The following HCN1 variants were observed in gnomAD, a reference collection of about 807,000 sequenced individuals.
HCN1 encodes the protein hyperpolarization activated cyclic nucleotide gated potassium channel 1.
Under a neutral mutation model 78.9 loss-of-function variants are expected in HCN1, and 13 were observed. The ratio of observed to expected loss-of-function variants is 0.16; its 90% CI spans 0.11 to 0.26. The LOEUF (loss-of-function observed/expected upper bound fraction) is 0.26. HCN1 is among the 10% of genes least tolerant of loss of function. The pLI is 1.00. For synonymous variants in HCN1, 552 were observed against 455.5 expected, an observed-to-expected ratio of 1.21 and a Z score of -2.70; for missense variants, 810 against 1,154.3, an observed-to-expected ratio of 0.70 and a Z score of 4.32.
Position 45,525,423 on chromosome 5 carries a change from C to T in HCN1, c.850-63416G>A, listed in dbSNP as rs980373760. On this transcript the variant is annotated intron_variant, in intron 2 of 7. Transcript: ENST00000303230. ...AAAACTGGGTAACATTTTATTTTGC[C>T]TTTAATTTAGACATGGTTTAATATC... Among the ~76,000 whole-genome samples, 3 of 151,102 alleles carry T rather than the reference C, an allele frequency of 2.0e-5. No homozygotes were observed. The East Asian group carries it at 5.8e-4, about 29-fold the overall frequency.
intron 5 of HCN1, among the ~76,000 whole-genome samples, chr5:45,352,551 G>A (rs1746930662): frequency 6.6e-6 from 1 of 151,714 alleles, no homozygotes; most frequent in Non-Finnish European, 1.5e-5. Flanking sequence ...AAAGAAATAT[G>A]AATAACCAAG....
intron 2 of HCN1, among the ~76,000 whole-genome samples, chr5:45,595,896 T>G (rs1744483805): frequency 6.7e-6 from 1 of 149,122 alleles, no homozygotes; most frequent in Non-Finnish European, 1.5e-5. Context: ...GACCTATGAT[T>G]TTTTTTTTTA....
chr5:45,611,835 TG>T (rs1322427119), intron 2 of HCN1, among the ~76,000 whole-genome samples: 7 of 152,072 alleles, frequency 4.6e-5, no homozygotes, highest in African/African-American at 1.7e-4. Context: ...AAAATTATCA[TG>T]GAAAAAGTAA....
chr5:45,523,920 C>T (rs1742671468), intron 2 of HCN1, among the ~76,000 whole-genome samples: 1 of 152,170 alleles, frequency 6.6e-6, no homozygotes, highest in South Asian at 2.1e-4. Context: ...GGGTTTTGGA[C>T]ATGAAGTCCT....
rs1282423333 is a variant in HCN1, at chr5:45,683,514, G to A, written c.425+12155C>T. Among the ~76,000 whole-genome samples the A allele has an allele frequency of 2.6e-5, 4 of 151,968 alleles. No homozygotes were observed. In the East Asian group the frequency reaches 7.7e-4, roughly 29 times the overall value. On this transcript the variant is annotated intron_variant, in intron 1 of 7. Transcript: ENST00000303230. ...AATTGTGTGCCTTATTGTATTGCCT[G>A]ACCTATCCAGAACAAGTCTCTCTTC...
chr5:45,384,360 A>G (rs937025261), intron 4 of HCN1, among the ~76,000 whole-genome samples: 2 of 152,172 alleles, frequency 1.3e-5, no homozygotes, highest in African/African-American at 4.8e-5. Context: ...TGTGAGATCT[A>G]TGGTATTTCA....
chr5:45,325,378 C>T lies in HCN1; in HGVS notation c.1378-21539G>A, dbSNP rs577808891. On this transcript the variant is annotated intron_variant, in intron 5 of 7. Transcript: ENST00000303230. ...TTAACAAGTATCTGGAAACCTACAT[C>T]TAATTGAGAAAGAAAGCTACATATG... Among the ~76,000 whole-genome samples the T allele has an allele frequency of 9.6e-4, 145 of 151,714 alleles. 1 individual carries two copies. Among genetic ancestry groups the T allele is most frequent in the Non-Finnish European group, 1.8e-3 (121 of 67,784 alleles).
chr5:45,507,970 A>C (rs1435478455), intron 2 of HCN1, among the ~76,000 whole-genome samples: 4 of 152,088 alleles, frequency 2.6e-5, no homozygotes, highest in African/African-American at 9.7e-5. Context: ...TCTTATCTGA[A>C]TTTCACCAAA....
intron 1 of HCN1, among the ~76,000 whole-genome samples, chr5:45,667,530 G>A (rs746275682): frequency 2.0e-5 from 3 of 151,972 alleles, no homozygotes; most frequent in Non-Finnish European, 4.4e-5. Flanking sequence ...TACAGTGTCA[G>A]ATGTACTATA....
intron 6 of HCN1, among the ~76,000 whole-genome samples, chr5:45,302,818 T>C (rs1301251233): frequency 6.6e-6 from 1 of 151,930 alleles, no homozygotes; most frequent in East Asian, 2.0e-4. Context: ...TCTCACAAGA[T>C]CTGATGGGTT....
At chr5:45,511,361 T>G (rs760620664) in intron 2 of HCN1, among the ~76,000 whole-genome samples, 13 of 152,006 alleles carry the variant, frequency 8.6e-5, no homozygotes, top group Non-Finnish European at 1.9e-4. Context: ...ACCCATTAAG[T>G]GTACGCTGCA....
Position 45,638,746 on chromosome 5 carries a change from TA to T in HCN1, c.849+6438del, listed in dbSNP as rs985026620. On this transcript the variant is annotated intron_variant, in intron 2 of 7. Transcript: ENST00000303230. ...GGTGAAACCCTGTCTCTACTACAAA[TA>T]GAAAAATTAGCCAGGCGTGTTGGGG... is the stretch of plus-strand genomic sequence containing the variant. 5.9e-5 allele frequency among the ~76,000 whole-genome samples: 9 copies of T among 151,954 alleles called. 1 individual carries two copies. The highest frequency in any genetic ancestry group is 2.2e-4 in the African/African-American group (9 of 41,352).
At chr5:45,396,368 A>T in intron 4 of HCN1, 124 bp downstream of exon 4, 1 of 801,622 alleles carries the variant, frequency 1.2e-6, no homozygotes, top group Non-Finnish European at 2.1e-6. Flanking sequence ...GTGTGTTTTT[A>T]CTTTAAACAT....
chr5:45,291,308 A>T (rs1745368400), intron 6 of HCN1, among the ~76,000 whole-genome samples: 1 of 151,954 alleles, frequency 6.6e-6, no homozygotes, highest in African/African-American at 2.4e-5. Context: ...CACTAAGATG[A>T]TCACCTTATA....
At chr5:45,305,242 C>G (rs1182690364) in intron 5 of HCN1, among the ~76,000 whole-genome samples, 1 of 152,160 alleles carries the variant, frequency 6.6e-6, no homozygotes, top group Non-Finnish European at 1.5e-5. Context: ...TATGATCTTA[C>G]TTCATAAAAT....
intron 6 of HCN1, among the ~76,000 whole-genome samples, chr5:45,281,688 AG>A (rs1478884893): frequency 1.4e-5 from 2 of 147,552 alleles, no homozygotes; most frequent in African/African-American, 2.5e-5. Context: ...CCTGGGTTCA[AG>A]CAATTATCCT....
chr5:45,568,567 A>C (rs2337414), intron 2 of HCN1, among the ~76,000 whole-genome samples: 9,056 of 152,134 alleles, frequency 0.06, 391 homozygotes, highest in Admixed American at 0.089. Context: ...ATTTCCCAGC[A>C]CAGAGTAGAA....
chr5:45,509,495 G>C (rs1053562752), intron 2 of HCN1, among the ~76,000 whole-genome samples: 1 of 152,138 alleles, frequency 6.6e-6, no homozygotes, highest in African/African-American at 2.4e-5. Flanking sequence ...CTGCACTCAT[G>C]AAAGTTCAGA....
intron 4 of HCN1, among the ~76,000 whole-genome samples, chr5:45,376,819 T>A (rs1747690840): frequency 6.6e-6 from 1 of 151,972 alleles, no homozygotes; most frequent in South Asian, 2.1e-4. Flanking sequence ...GAATTATCTG[T>A]CATATATTGG....
Sources: allele counts gnomAD v4.1 joint callset (sites outside exome capture counted in the v4.1 genomes callset), GRCh38; gene constraint gnomAD v4.1.1; transcripts MANE v1.5; gene names NCBI Gene and HGNC (gene_info 2026-07-23, HGNC 2026-07-21).